Variants in STXBP5L observed in about 807,000 individuals in gnomAD.
STXBP5L encodes syntaxin-binding protein 5-like.
STXBP5L carries 65 observed loss-of-function variants against 144.5 expected under a neutral mutation model. That is an observed-to-expected ratio of 0.45 (90% CI 0.37 to 0.55). The LOEUF is 0.55. Among genes scored for constraint, STXBP5L ranks in the 20% least tolerant of loss-of-function variants. STXBP5L has a pLI of 0.00. For synonymous variants in STXBP5L, 505 were observed against 469.6 expected, an observed-to-expected ratio of 1.08 and a Z score of -0.97; for missense variants, 1,298 against 1,405.5, an observed-to-expected ratio of 0.92 and a Z score of 1.22.
At chr3:121,002,432 T>A (rs908673959) in intron 3 of STXBP5L, among the ~76,000 whole-genome samples, 1 of 152,194 alleles carries the variant, frequency 6.6e-6, no homozygotes, top group African/African-American at 2.4e-5. Flanking sequence ...TATGAGTTTC[T>A]TTTATATATG....
intron 3 of STXBP5L, among the ~76,000 whole-genome samples, chr3:120,976,567 T>C (rs1018364392): frequency 6.6e-6 from 1 of 152,186 alleles, no homozygotes; most frequent in African/African-American, 2.4e-5. Flanking sequence ...TGATTTTAGT[T>C]ATTTCTTGCC....
At chr3:121,070,391 C>G (rs150963551) in intron 5 of STXBP5L, among the ~76,000 whole-genome samples, 1 of 152,348 alleles carries the variant, frequency 6.6e-6, no homozygotes, top group Non-Finnish European at 1.5e-5. Flanking sequence ...ATAAGGTTCA[C>G]TGTCCACAGA....
intron 9 of STXBP5L, among the ~76,000 whole-genome samples, chr3:121,191,456 G>T (rs1357338385): frequency 6.6e-6 from 1 of 152,192 alleles, no homozygotes; most frequent in African/African-American, 2.4e-5. Flanking sequence ...GGAGAATCAG[G>T]CAGGGAGTTT....
intron 9 of STXBP5L, among the ~76,000 whole-genome samples, chr3:121,182,734 A>C (rs1285863025): frequency 1.3e-5 from 2 of 152,228 alleles, no homozygotes; most frequent in Non-Finnish European, 2.9e-5. Context: ...AGATACACAA[A>C]ATTGATAGAC....
At chr3:121,260,436 G>C (rs1441030984) in intron 18 of STXBP5L, among the ~76,000 whole-genome samples, 1 of 151,586 alleles carries the variant, frequency 6.6e-6, no homozygotes, top group African/African-American at 2.4e-5. Context: ...ATCTTTTATG[G>C]CTCTGAATTT....
At chr3:121,008,858 A>G (rs1490821094) in intron 3 of STXBP5L, among the ~76,000 whole-genome samples, 3 of 152,022 alleles carry the variant, frequency 2.0e-5, no homozygotes, top group Non-Finnish European at 4.4e-5. Context: ...TATTTAGAAT[A>G]TGTAGCAATT....
chr3:121,069,360 A>G (rs1207038978), intron 5 of STXBP5L, among the ~76,000 whole-genome samples: 1 of 152,226 alleles, frequency 6.6e-6, no homozygotes, highest in African/African-American at 2.4e-5. Flanking sequence ...ATTTTACAGT[A>G]TTAGTGACTA....
chr3:121,257,734 G>A (rs114748242), intron 17 of STXBP5L, among the ~76,000 whole-genome samples: 1,713 of 152,252 alleles, frequency 0.011, 32 homozygotes, highest in African/African-American at 0.039. Flanking sequence ...AGAGCAGCCT[G>A]GGCAACATAG....
intron 19 of STXBP5L, among the ~76,000 whole-genome samples, chr3:121,297,587 C>T (rs2051708446): frequency 6.6e-6 from 1 of 152,102 alleles, no homozygotes; most frequent in Non-Finnish European, 1.5e-5. Context: ...AACCCTGCCT[C>T]TACTAAAAAT....
At chr3:121,158,860 G>C (rs1210218531) in intron 9 of STXBP5L, 1 of 151,958 alleles carries the variant, frequency 6.6e-6, no homozygotes, top group Admixed American at 6.6e-5. Context: ...CTGGACATTT[G>C]ATACTTTTAT....
chr3:120,910,564 G>A (rs942948528), intron 2 of STXBP5L, among the ~76,000 whole-genome samples: 1 of 151,940 alleles, frequency 6.6e-6, no homozygotes, highest in African/African-American at 2.4e-5. Flanking sequence ...ATGCAACAAA[G>A]GCTACTAAGT....
intron 3 of STXBP5L, among the ~76,000 whole-genome samples, chr3:120,960,214 A>G (rs1299471122): frequency 2.0e-5 from 3 of 152,234 alleles, no homozygotes; most frequent in Non-Finnish European, 4.4e-5. Context: ...ATGAGATACC[A>G]TCTCATGCCA....
chr3:120,955,190 T>C (rs1235702995), intron 3 of STXBP5L, among the ~76,000 whole-genome samples, 153 bp downstream of exon 3: 1 of 152,092 alleles, frequency 6.6e-6, no homozygotes, highest in Non-Finnish European at 1.5e-5. Flanking sequence ...TCAAATTTAT[T>C]GGCATATTTT....
At chr3:121,332,407 C>CAAAAAAAAAAAAAAAAAAA (rs201605873) in intron 20 of STXBP5L, among the ~76,000 whole-genome samples, 1 of 86,540 alleles carries the variant, frequency 1.2e-5, no homozygotes, top group Non-Finnish European at 2.6e-5. Context: ...TAGATATTTT[C>CAAAAAAAAAAAAAAAAAAA]AAAAAAAAAA....
intron 5 of STXBP5L, among the ~76,000 whole-genome samples, chr3:121,102,701 G>A (rs998429966): frequency 1.3e-5 from 2 of 152,026 alleles, no homozygotes; most frequent in Admixed American, 1.3e-4. Flanking sequence ...ATTGACAAGT[G>A]GGACCTAATT....
rs895477435 is a variant in STXBP5L at position 121,130,590 on chromosome 3, A to G, written c.669+8886A>G. Among the ~76,000 whole-genome samples the G allele has an allele frequency of 4.6e-5, 7 of 152,198 alleles. No individual in the cohort carries two copies. In the East Asian group the frequency reaches 1.4e-3, roughly 29 times the overall value. ...GCCTGCTTCATAGACAAGTCAGAGG[A>G]TTGGTTGCCATTAGCTGGTTACAGA... On this transcript the variant is annotated intron_variant, in intron 7 of 26. Transcript: ENST00000471454.
intron 20 of STXBP5L, among the ~76,000 whole-genome samples, chr3:121,325,460 A>G (rs2044113591): frequency 6.6e-6 from 1 of 152,078 alleles, no homozygotes; most frequent in African/African-American, 2.4e-5. Context: ...CGTTAATTAA[A>G]TGAGAAAAAT....
intron 20 of STXBP5L, among the ~76,000 whole-genome samples, chr3:121,367,823 C>T (rs1472532824): frequency 1.8e-5 from 2 of 113,448 alleles, no homozygotes; most frequent in African/African-American, 3.4e-5. Flanking sequence ...CCAGGTCTTC[C>T]TATGTTGCCC....
At chr3:120,980,409 T>C (rs544504567) in intron 3 of STXBP5L, among the ~76,000 whole-genome samples, 13 of 152,244 alleles carry the variant, frequency 8.5e-5, no homozygotes, top group Admixed American at 7.2e-4. Flanking sequence ...GTATATAGAA[T>C]TGTTATATTT....
Sources: gnomAD v4.1 joint callset for allele counts (sites outside exome capture counted in the v4.1 genomes callset) on GRCh38, gnomAD v4.1.1 for gene constraint, MANE v1.5 for transcripts, NCBI Gene and HGNC (gene_info 2026-07-23, HGNC 2026-07-21) for gene names.